The following NFIB variants were observed in gnomAD, a reference collection of about 807,000 sequenced individuals.
The protein encoded by NFIB is nuclear factor 1 B-type.
Under a neutral mutation model 61.5 loss-of-function variants are expected in NFIB, and 11 were observed. The ratio of observed to expected loss-of-function variants is 0.18; its 90% CI spans 0.11 to 0.30. The LOEUF is 0.30. Among genes scored for constraint, NFIB ranks in the 10% least tolerant of loss-of-function variants. The probability of loss-of-function intolerance (pLI) is 1.00; values close to 1 mark genes in which losing one functional copy is unlikely to be tolerated. For missense variants in NFIB, 471 were observed against 608.9 expected, an observed-to-expected ratio of 0.77 and a Z score of 2.38; for synonymous variants, 260 against 216.5, an observed-to-expected ratio of 1.20 and a Z score of -1.76.
intron 3 of NFIB, among the ~76,000 whole-genome samples, chr9:14,172,278 G>C (rs2045649073): frequency 6.6e-6 from 1 of 152,144 alleles, no homozygotes; most frequent in Admixed American, 6.5e-5. Context: ...TCCAAATGAG[G>C]AACAAAAGAT....
rs1192303927 is a variant in NFIB at position 14,122,012 on chromosome 9, GTCTT to G, written c.1061-1392_1061-1389del. 7.9e-5 allele frequency among the ~76,000 whole-genome samples: 12 copies of G among 152,094 alleles called. No homozygotes were observed. The South Asian group carries it at 1.5e-3, about 18-fold the overall frequency. On this transcript the variant is annotated intron_variant, in intron 7 of 10. Transcript: ENST00000380953. Reference sequence around the variant, plus strand: ...ATATATGTAGAAGTGAAAAGTAAATGTCTTTCTATTTTAATATTTCCCAATTCAA... The same window carrying G: ...ATATATGTAGAAGTGAAAAGTAAATGTCTATTTTAATATTTCCCAATTCAA...
At chr9:14,355,386 C>A (rs1055269713) in intron 1 of NFIB, among the ~76,000 whole-genome samples, 2 of 152,172 alleles carry the variant, frequency 1.3e-5, no homozygotes, top group Non-Finnish European at 2.9e-5. Context: ...CAGACTTGAG[C>A]CCCTAGAATT....
intron 3 of NFIB, among the ~76,000 whole-genome samples, chr9:14,157,444 A>C (rs988603729): frequency 6.6e-6 from 1 of 152,208 alleles, no homozygotes; most frequent in African/African-American, 2.4e-5. Context: ...AAGGAGTGAG[A>C]GGAAGTTGTA....
rs2032513303 is a variant in NFIB, at chr9:14,084,404, T to C, written c.*3905A>G. ...TTCTCGCTACTTGCAGCTTCACAGA[T>C]TCATTCACATATTTTTTAATGGAGC... is the stretch of plus-strand genomic sequence containing the variant. On this transcript the variant is annotated 3_prime_UTR_variant, in exon 11 of 11. Transcript: ENST00000380953. 3 of 224,086 alleles carry C rather than the reference T, an allele frequency of 1.3e-5. No individual in the cohort carries two copies. In the Admixed American group the frequency reaches 1.7e-4, roughly 13 times the overall value. 13.9% of individuals were successfully genotyped at this position (224,086 alleles called of 1,614,324 possible). A position where few individuals can be genotyped will look rare whatever the true frequency, so the allele number is the denominator to read the frequency against.
At chr9:14,369,509 CT>C (rs1366482222) in intron 1 of NFIB, among the ~76,000 whole-genome samples, 2 of 151,964 alleles carry the variant, frequency 1.3e-5, no homozygotes, top group East Asian at 3.9e-4. Context: ...CTACCAGAGT[CT>C]TCAGAAGGTG....
At position 14,313,530 on chromosome 9, in the gene NFIB, A is replaced by C. The variant is rs1488989560; in HGVS notation, c.-19T>G. The C allele has an allele frequency of 2.5e-6, 4 of 1,613,532 alleles. No homozygotes were observed. The highest frequency in any genetic ancestry group is 3.4e-6 in the Non-Finnish European group (4 of 1,179,796). ...ACATCATGACTTCGCCTTAAAACGC[A>C]CTTTCCGGGAGATGCCCAAGAAAAT... On this transcript the variant is annotated 5_prime_UTR_variant, in exon 1 of 11. Transcript: ENST00000380953. The surrounding 1 kb of genome is among the most constrained non-coding windows in gnomAD (Gnocchi z 4.5).
chr9:14,349,334 A>G (rs1162005533), intron 1 of NFIB, among the ~76,000 whole-genome samples: 1 of 152,150 alleles, frequency 6.6e-6, no homozygotes, highest in Non-Finnish European at 1.5e-5. Flanking sequence ...CACGTATTTA[A>G]CAACCTTCTT....
chr9:14,520,435 T>C, the NFIB span, among the ~76,000 whole-genome samples: 2 of 152,224 alleles, frequency 1.3e-5, no homozygotes, highest in Non-Finnish European at 2.9e-5. Context: ...AACCTGTCCT[T>C]CTTCCAAGGG....
At chr9:14,191,627 C>A (rs2047957539) in intron 2 of NFIB, among the ~76,000 whole-genome samples, 2 of 152,110 alleles carry the variant, frequency 1.3e-5, no homozygotes, top group Admixed American at 6.6e-5. Context: ...TAAGCCAAAT[C>A]CAAAGAGTAT....
chr9:14,430,480 T>C, the NFIB span, among the ~76,000 whole-genome samples: 7 of 152,238 alleles, frequency 4.6e-5, no homozygotes, highest in African/African-American at 1.4e-4. Flanking sequence ...AGCCATGTGA[T>C]CAAAATCAGG....
intron 2 of NFIB, among the ~76,000 whole-genome samples, chr9:14,253,022 C>G (rs2055829520): frequency 6.6e-6 from 1 of 152,008 alleles, no homozygotes; most frequent in Non-Finnish European, 1.5e-5. Context: ...AAAAAAAGAC[C>G]AAAAACAATT....
At chr9:14,521,426 A>G in the NFIB span, among the ~76,000 whole-genome samples, 1 of 152,166 alleles carries the variant, frequency 6.6e-6, no homozygotes, top group African/African-American at 2.4e-5. Flanking sequence ...TAATCCTGGC[A>G]CTGCCCATTA....
chr9:14,434,826 C>T, the NFIB span, among the ~76,000 whole-genome samples: 115 of 152,286 alleles, frequency 7.6e-4, no homozygotes, highest in East Asian at 0.021. Context: ...ACAGGAATAC[C>T]TAATCAATGG....
chr9:14,182,708 C>CTCTCTCTCTGTGTGTGTG (rs778914837), intron 2 of NFIB, among the ~76,000 whole-genome samples: 7 of 97,000 alleles, frequency 7.2e-5, no homozygotes, highest in African/African-American at 8.8e-5. Flanking sequence ...CTCTCTCTCT[C>CTCTCTCTCTGTGTGTGTG]TGTGTGTGTG....
At chr9:14,336,699 C>T (rs1466904031) in intron 1 of NFIB, among the ~76,000 whole-genome samples, 2 of 152,178 alleles carry the variant, frequency 1.3e-5, no homozygotes, top group African/African-American at 4.8e-5. Flanking sequence ...TAGAAAGCTC[C>T]TGTGCTTGGT....
the NFIB span, among the ~76,000 whole-genome samples, chr9:14,510,109 A>T: frequency 2.1e-3 from 313 of 152,282 alleles, 3 homozygotes; most frequent in African/African-American, 7.1e-3. Flanking sequence ...TTGGCCAGGC[A>T]GATCTTGAAC....
At chr9:14,279,595 G>A (rs924932370) in intron 2 of NFIB, among the ~76,000 whole-genome samples, 11 of 152,178 alleles carry the variant, frequency 7.2e-5, no homozygotes, top group Admixed American at 7.2e-4. Flanking sequence ...CTAATTTGAA[G>A]GATGTTGCTC....
Position 14,108,849 on chromosome 9 carries a change from A to T in NFIB, c.1467+4150T>A, listed in dbSNP as rs7030020. Among the ~76,000 whole-genome samples, 447 of 152,246 alleles carry T rather than the reference A, an allele frequency of 2.9e-3. 1 individual carries two copies. The highest frequency in any genetic ancestry group is 0.01 in the African/African-American group (422 of 41,568). Reference sequence around the variant, plus strand: ...TTTATTCAGTTGAAATCTCAAATATACATCAAAGGTTAATATGTACTTCAA... The same window carrying T: ...TTTATTCAGTTGAAATCTCAAATATTCATCAAAGGTTAATATGTACTTCAA... On this transcript the variant is annotated intron_variant, in intron 10 of 10. Transcript: ENST00000380953.
intron 2 of NFIB, among the ~76,000 whole-genome samples, chr9:14,298,640 A>C (rs2059579125): frequency 6.6e-6 from 1 of 152,168 alleles, no homozygotes; most frequent in Admixed American, 6.5e-5. Flanking sequence ...TAGCTACTGC[A>C]GACGGACGCC....
Sources: allele counts gnomAD v4.1 joint callset (sites outside exome capture counted in the v4.1 genomes callset), GRCh38; gene constraint gnomAD v4.1.1; non-coding constraint Gnocchi (gnomAD v3.1); transcripts MANE v1.5; gene names NCBI Gene and HGNC (gene_info 2026-07-23, HGNC 2026-07-21).